The following RRM1 variants were observed in gnomAD, a reference collection of about 807,000 sequenced individuals.
The protein encoded by RRM1 is ribonucleotide reductase catalytic subunit M1.
In RRM1, 19 loss-of-function variants were observed where a neutral mutation model predicts 101.5. The ratio of observed to expected loss-of-function variants is 0.19; its 90% CI spans 0.13 to 0.27. RRM1 has a LOEUF of 0.27. Ranked by LOEUF, RRM1 falls within the 10% of genes least tolerant of loss-of-function variation. RRM1 has a pLI of 1.00. For synonymous variants in RRM1, 298 were observed against 323.4 expected (o/e 0.92, Z 0.84); for missense variants, 500 against 962.9 (o/e 0.52, Z 6.36).
At chr11:4,121,040 A>G (rs1054595190) in intron 9 of RRM1, among the ~76,000 whole-genome samples, 1 of 152,160 alleles carries the variant, frequency 6.6e-6, no homozygotes, top group African/African-American at 2.4e-5. Context: ...GAACAAACAA[A>G]CAAAAACTCT....
chr11:4,110,639 C>T (rs1379492312), intron 5 of RRM1, among the ~76,000 whole-genome samples: 2 of 151,518 alleles, frequency 1.3e-5, no homozygotes, highest in Non-Finnish European at 2.9e-5. Flanking sequence ...CATGGTGGTG[C>T]ATGCCTGTAA....
chr11:4,112,049 C>T lies in RRM1; in HGVS notation c.637C>T (p.Pro213Ser). ...PTLFNAGTNR[P>S]QLSSCFLLSM... ...TCTCTTCAATGCTGGTACCAACCGC[C>T]CACAACTTTCTAGGTAGGTGTTTTG... The change falls in exon 7 of 19, where the codon CCA becomes TCA. Residue 213 changes from proline to serine, a missense_variant. Pro to Ser is a moderately conservative substitution (Grantham distance 74). Coordinates refer to ENST00000300738, the MANE Select transcript of RRM1 (RefSeq NM_001033.5). 6.2e-7 allele frequency: 1 copy of T among 1,613,036 alleles called. No homozygotes were observed. Among genetic ancestry groups the T allele is most frequent in the Non-Finnish European group, 8.5e-7 (1 of 1,179,422 alleles).
At chr11:4,117,436 A>G (rs1475025857) in intron 7 of RRM1, among the ~76,000 whole-genome samples, 1 of 152,262 alleles carries the variant, frequency 6.6e-6, no homozygotes, top group African/African-American at 2.4e-5. Context: ...GTATATTTAT[A>G]CAATAGAATA....
At chr11:4,135,590 T>G (rs2094608101) in intron 18 of RRM1, among the ~76,000 whole-genome samples, 1 of 152,196 alleles carries the variant, frequency 6.6e-6, no homozygotes, top group African/African-American at 2.4e-5. Context: ...CTTCCTTCCT[T>G]TTCTGCTGCT....
Position 4,126,830 on chromosome 11 carries a change from A to G in RRM1, c.1467A>G (p.Pro489=). The G allele has an allele frequency of 1.2e-6, 2 of 1,606,704 alleles. No individual in the cohort carries two copies. Among genetic ancestry groups the G allele is most frequent in the African/African-American group, 1.3e-5 (1 of 74,856 alleles). The change falls in exon 13 of 19, where the codon CCA becomes CCG. Residue 489 remains proline (P), a synonymous_variant. Coordinates refer to ENST00000300738, the MANE Select transcript of RRM1 (RefSeq NM_001033.5). ...TTGATATAAACTACTATCCTGTACCAGAGGTATGAATAGATTTCTCTGCTT... is the reference window on the plus strand; with the variant it reads ...TTGATATAAACTACTATCCTGTACCGGAGGTATGAATAGATTTCTCTGCTT... ...KIIDINYYPV[P]EACLSNKRHR...
chr11:4,135,620 A>G (rs187473179), intron 18 of RRM1, among the ~76,000 whole-genome samples: 1 of 152,058 alleles, frequency 6.6e-6, no homozygotes, highest in East Asian at 1.9e-4. Context: ...AACTGACCTT[A>G]TTGCTTCTAG....
At chr11:4,100,805 G>T (rs1182681207) in intron 1 of RRM1, among the ~76,000 whole-genome samples, 2 of 152,196 alleles carry the variant, frequency 1.3e-5, no homozygotes, top group African/African-American at 4.8e-5. Context: ...AAGTAAAATA[G>T]ATATAATAAT....
intron 14 of RRM1, 101 bp downstream of exon 14, chr11:4,127,357 G>A (rs2094591547): frequency 1.5e-6 from 1 of 646,084 alleles, no homozygotes; most frequent in East Asian, 3.1e-5. Flanking sequence ...CCTGGAACCT[G>A]TGAATTTAAT....
upstream of RRM1, chr11:4,094,689 T>C (rs890669398): frequency 1.5e-5 from 7 of 470,610 alleles, no homozygotes; most frequent in South Asian, 5.9e-5. Context: ...CGTAGTCTTC[T>C]GGGTCTTGCC....
chr11:4,135,090 A>G lies in RRM1; in HGVS notation c.2010A>G (p.Pro670=), dbSNP rs1590735409. The G allele has an allele frequency of 1.2e-6, 2 of 1,609,448 alleles. No homozygotes were observed. The highest frequency in any genetic ancestry group is 2.7e-5 in the African/African-American group (2 of 74,950). ...GGGTTTTCCTTCTTTAGAGCATACC[A>G]GAAATTCCTGATGACCTGAAGCAAC... ...IACNGSIQSI[P]EIPDDLKQLY... The change falls in exon 18 of 19, where the codon CCA becomes CCG. Residue 670 remains proline, a synonymous_variant. Transcript: ENST00000300738.
chr11:4,100,293 A>G (rs760421566), intron 1 of RRM1, among the ~76,000 whole-genome samples: 3 of 152,268 alleles, frequency 2.0e-5, no homozygotes, highest in Non-Finnish European at 4.4e-5. Flanking sequence ...AGAGGGCCAA[A>G]TAAATGTAAA....
At chr11:4,126,045 CATATAA>C (rs1472725429) in intron 12 of RRM1, among the ~76,000 whole-genome samples, 2 of 152,224 alleles carry the variant, frequency 1.3e-5, no homozygotes, top group African/African-American at 2.4e-5. Flanking sequence ...TAGTGCTAAA[CATATAA>C]ATATAAATAA....
intron 1 of RRM1, among the ~76,000 whole-genome samples, chr11:4,100,776 C>G (rs2094549865): frequency 6.6e-6 from 1 of 152,142 alleles, no homozygotes; most frequent in Admixed American, 6.5e-5. Context: ...ATTTTATTGT[C>G]ACAGTAAACT....
intron 2 of RRM1, among the ~76,000 whole-genome samples, chr11:4,104,097 T>G (rs2094555413): frequency 6.6e-6 from 1 of 152,048 alleles, no homozygotes; most frequent in Non-Finnish European, 1.5e-5. Context: ...GGCCACAGAA[T>G]GAGACCCTGT....
At chr11:4,096,598 C>T (rs2094543838) in intron 1 of RRM1, among the ~76,000 whole-genome samples, 1 of 152,128 alleles carries the variant, frequency 6.6e-6, no homozygotes, top group South Asian at 2.1e-4. Flanking sequence ...ACATAGTGCA[C>T]TTTTATTGAT....
chr11:4,109,709 T>A lies in RRM1; in HGVS notation c.447+6T>A. 1 of 1,594,826 alleles carries A rather than the reference T, an allele frequency of 6.3e-7. No individual in the cohort carries two copies. The highest frequency in any genetic ancestry group is 1.3e-5 in the African/African-American group (1 of 74,596). On this transcript the variant is annotated splice_donor_region_variant and intron_variant, in intron 5 of 18. Coordinates refer to ENST00000300738, the MANE Select transcript of RRM1 (RefSeq NM_001033.5). ...ACAATTACTTCGGCTTTAAGGTAAA[T>A]AATGGGTTTCAAGTATGTGGGAATT... is the stretch of plus-strand genomic sequence containing the variant.
At chr11:4,124,827 GTTTTT>G (rs764390839) in intron 12 of RRM1, among the ~76,000 whole-genome samples, 1 of 120,204 alleles carries the variant, frequency 8.3e-6, no homozygotes, top group Non-Finnish European at 1.9e-5. Flanking sequence ...ACAATTCAGT[GTTTTT>G]TTTCTTTTCT....
At position 4,097,278 on chromosome 11, in the gene RRM1, CAAAAA is replaced by C. The variant is rs1221330899; in HGVS notation, c.19+2266_19+2270del. On this transcript the variant is annotated intron_variant, in intron 1 of 18. Transcript: ENST00000300738. ...TAGGCGACAGAGTGACACTCTGTCT[CAAAAA>C]AAAAAAAAAAAAAAAAAACCACAAA... 5.8e-5 allele frequency among the ~76,000 whole-genome samples: 4 copies of C among 68,858 alleles called. No homozygotes were observed. In the East Asian group the frequency reaches 1.3e-3, roughly 22 times the overall value. 45.2% of individuals were successfully genotyped at this position (68,858 alleles called of 152,430 possible).
At chr11:4,118,285 C>T in intron 7 of RRM1, 35 bp from the exon 8 acceptor site, 2 of 1,566,168 alleles carry the variant, frequency 1.3e-6, no homozygotes, top group Non-Finnish European at 1.7e-6. Flanking sequence ...TGCTTCATTT[C>T]CTTGCTCTAA....
Sources: allele counts gnomAD v4.1 joint callset (sites outside exome capture counted in the v4.1 genomes callset), GRCh38; gene constraint gnomAD v4.1.1; transcripts MANE v1.5; gene names NCBI Gene and HGNC (gene_info 2026-07-23, HGNC 2026-07-21).